Variants in CDON observed in about 807,000 individuals in gnomAD.
The protein encoded by CDON is cell adhesion molecule-related/down-regulated by oncogenes.
A neutral mutation model predicts 120.9 loss-of-function variants in CDON; 73 were observed. That is an observed-to-expected ratio of 0.60 (90% CI 0.50 to 0.73). The LOEUF (loss-of-function observed/expected upper bound fraction) is 0.73. CDON is among the 30% of genes least tolerant of loss of function. The probability of loss-of-function intolerance (pLI) is 0.00; values close to 1 mark genes in which losing one functional copy is unlikely to be tolerated. For synonymous variants in CDON, 566 were observed against 573.5 expected (o/e 0.99, Z 0.19); for missense variants, 1,470 against 1,587.3 (o/e 0.93, Z 1.26).
At chr11:126,046,621 C>A (rs1948414164) in intron 1 of CDON, among the ~76,000 whole-genome samples, 1 of 152,170 alleles carries the variant, frequency 6.6e-6, no homozygotes, top group Non-Finnish European at 1.5e-5. Flanking sequence ...CCCCCCTTGT[C>A]ATTTTCCGAT....
At chr11:125,987,260 AAAAG>A in intron 15 of CDON, among the ~76,000 whole-genome samples, 1 of 152,344 alleles carries the variant, frequency 6.6e-6, no homozygotes, top group Admixed American at 6.5e-5. Context: ...ACAGCCTGAA[AAAAG>A]AAAGGTGAGA....
Position 126,034,361 on chromosome 11 carries a change from C to A in CDON, c.-61-10824G>T, listed in dbSNP as rs557427884. Among the ~76,000 whole-genome samples, 1 of 152,240 alleles carries A rather than the reference C, an allele frequency of 6.6e-6. No homozygotes were observed. The highest frequency in any genetic ancestry group is 2.4e-5 in the African/African-American group (1 of 41,548). On this transcript the variant is annotated intron_variant, in intron 1 of 19. Coordinates refer to ENST00000531738, the MANE Select transcript of CDON (RefSeq NM_001378964.1). The surrounding 1 kb of genome is among the most constrained non-coding windows in gnomAD (Gnocchi z 4.5). The stretch of plus-strand genomic sequence containing the variant: ...TCCACATGAGCCTCTTCAGCTCCAA[C>A]ACAATGAAAAGGGCCCAGGACGAAC...
intron 16 of CDON, among the ~76,000 whole-genome samples, chr11:125,983,004 C>A (rs1175756308): frequency 6.6e-6 from 1 of 152,202 alleles, no homozygotes; most frequent in Non-Finnish European, 1.5e-5. Flanking sequence ...AGGCATCATT[C>A]AATACAAACA....
At chr11:126,053,107 A>C (rs892477722) in intron 1 of CDON, among the ~76,000 whole-genome samples, 1 of 152,178 alleles carries the variant, frequency 6.6e-6, no homozygotes, top group Non-Finnish European at 1.5e-5. Flanking sequence ...ACTCAGCAGA[A>C]CCTCACTATA....
At position 125,958,789 on chromosome 11, in the gene CDON, T is replaced by TC. The variant is rs1436890981; in HGVS notation, c.*2152dup. ...TTCAAACTCAATCTTTAAAAGCAGT[T>TC]CATGACCTAAGGCTCATGCTAATAC... On this transcript the variant is annotated 3_prime_UTR_variant, in exon 20 of 20. Transcript: ENST00000531738. The TC allele has an allele frequency of 3.3e-5, 5 of 152,544 alleles. No homozygotes were observed. The highest frequency in any genetic ancestry group is 5.9e-5 in the Non-Finnish European group (4 of 68,032). 9.4% of individuals were successfully genotyped at this position (152,544 alleles called of 1,614,324 possible).
At chr11:126,055,699 G>C (rs1177525042) in intron 1 of CDON, among the ~76,000 whole-genome samples, 4 of 152,078 alleles carry the variant, frequency 2.6e-5, no homozygotes. Context: ...ATTTGTTGTA[G>C]GAATGAATAA....
chr11:125,986,262 A>C (rs1186582640), intron 15 of CDON, among the ~76,000 whole-genome samples: 2 of 152,100 alleles, frequency 1.3e-5, no homozygotes, highest in African/African-American at 4.8e-5. Context: ...ACCCTCGGAC[A>C]CAGGGCGGGG....
At chr11:126,054,987 T>G (rs1241666068) in intron 1 of CDON, among the ~76,000 whole-genome samples, 1 of 152,178 alleles carries the variant, frequency 6.6e-6, no homozygotes, top group Non-Finnish European at 1.5e-5. Context: ...AGTAGGCATA[T>G]AACCCTGTAC....
Position 125,957,613 on chromosome 11 carries a change from T to C in CDON, c.*3329A>G, listed in dbSNP as rs1205891116. ...ATACAAAGCATGCATCTCAAAGTCATTACTTTAAAAGAGAGCAACACAGGT... is the reference window on the plus strand; with the variant it reads ...ATACAAAGCATGCATCTCAAAGTCACTACTTTAAAAGAGAGCAACACAGGT... On this transcript the variant is annotated 3_prime_UTR_variant, in exon 20 of 20. Transcript: ENST00000531738. 1 of 152,168 alleles carries C rather than the reference T, an allele frequency of 6.6e-6. No homozygotes were observed. Among genetic ancestry groups the C allele is most frequent in the Non-Finnish European group, 1.5e-5 (1 of 68,036 alleles). 9.4% of individuals were successfully genotyped at this position (152,168 alleles called of 1,614,324 possible).
rs1324107712 is a variant in CDON at position 125,981,331 on chromosome 11, T to C, written c.2996-2A>G. 6.2e-7 allele frequency: 1 copy of C among 1,611,882 alleles called. No homozygotes were observed. Among genetic ancestry groups the C allele is most frequent in the Non-Finnish European group, 8.5e-7 (1 of 1,179,974 alleles). ...AGAGATATCCTGGTGGGTCATATTC[T>C]GTTAAAAGAGAACAAAAAAGACACA... On this transcript the variant is annotated splice_acceptor_variant, in intron 16 of 19. Transcript: ENST00000531738. LOFTEE classifies it high-confidence loss of function.
intron 11 of CDON, among the ~76,000 whole-genome samples, chr11:126,000,435 T>C (rs1240161765): frequency 6.6e-6 from 1 of 152,216 alleles, no homozygotes; most frequent in Non-Finnish European, 1.5e-5. Context: ...CTCAAACTCC[T>C]GGACTCAAGC....
intron 18 of CDON, among the ~76,000 whole-genome samples, chr11:125,973,042 T>TTTTTTTTTTTTTTTTA (rs1946049860): frequency 9.1e-6 from 1 of 110,126 alleles, no homozygotes; most frequent in Non-Finnish European, 1.9e-5. Flanking sequence ...TTTTTTTTTT[T>TTTTTTTTTTTTTTTTA]AAATCCCTCA....
intron 12 of CDON, among the ~76,000 whole-genome samples, chr11:125,996,161 A>AACAC (rs35536827): frequency 8.8e-4 from 129 of 146,042 alleles, no homozygotes; most frequent in Middle Eastern, 3.5e-3. Flanking sequence ...GTCACAGCAA[A>AACAC]ACACACACAC....
At chr11:126,048,298 A>AAAAG (rs1948460122) in intron 1 of CDON, among the ~76,000 whole-genome samples, 1 of 150,704 alleles carries the variant, frequency 6.6e-6, no homozygotes, top group African/African-American at 2.5e-5. Flanking sequence ...AAAAAAAAAG[A>AAAAG]AAAGAAATGG....
chr11:125,967,817 C>T (rs1315651422), intron 18 of CDON, among the ~76,000 whole-genome samples: 1 of 152,112 alleles, frequency 6.6e-6, no homozygotes, highest in Non-Finnish European at 1.5e-5. Context: ...AGAGACTAGT[C>T]CCAGTATATT....
Position 126,001,201 on chromosome 11 carries a change from T to C in CDON, c.2158+518A>G, listed in dbSNP as rs941476734. ...AGAAAACTCCTTCCTTTTTCTTTTTTTTTTTTTTTGAGGTCTCACTCTGTC... is the reference window on the plus strand; with the variant it reads ...AGAAAACTCCTTCCTTTTTCTTTTTCTTTTTTTTTGAGGTCTCACTCTGTC... On this transcript the variant is annotated intron_variant, in intron 11 of 19. Coordinates refer to ENST00000531738, the MANE Select transcript of CDON (RefSeq NM_001378964.1). Among the ~76,000 whole-genome samples the C allele has an allele frequency of 1.6e-4, 24 of 151,528 alleles. 1 individual carries two copies. Among genetic ancestry groups the C allele is most frequent in the African/African-American group, 5.3e-4 (22 of 41,322 alleles).
chr11:126,010,140 A>AT (rs1947248464), intron 8 of CDON, among the ~76,000 whole-genome samples: 3 of 152,242 alleles, frequency 2.0e-5, no homozygotes, highest in Admixed American at 2.0e-4. Context: ...CAATCTTAAC[A>AT]AACACATCAG....
chr11:125,986,214 G>A (rs1223098798), intron 15 of CDON, among the ~76,000 whole-genome samples: 1 of 152,068 alleles, frequency 6.6e-6, no homozygotes, highest in South Asian at 2.1e-4. Flanking sequence ...ACCAAACACT[G>A]CATGTTCTCA....
intron 2 of CDON, among the ~76,000 whole-genome samples, chr11:126,022,610 ATCTACT>A (rs1947674568): frequency 6.6e-6 from 1 of 152,206 alleles, no homozygotes; most frequent in African/African-American, 2.4e-5. Flanking sequence ...AAATTGCTGA[ATCTACT>A]TCTATAGAAT....
Sources: allele counts gnomAD v4.1 joint callset (sites outside exome capture counted in the v4.1 genomes callset), GRCh38; gene constraint gnomAD v4.1.1; non-coding constraint Gnocchi (gnomAD v3.1); transcripts MANE v1.5; gene names NCBI Gene and HGNC (gene_info 2026-07-23, HGNC 2026-07-21).